The following RDX variants were observed in gnomAD, a reference collection of about 807,000 sequenced individuals.
RDX encodes deafness, autosomal recessive 24.
RDX carries 32 observed loss-of-function variants against 83.7 expected under a neutral mutation model. That is an observed-to-expected ratio of 0.38 (90% CI 0.29 to 0.51). The LOEUF is 0.51. Among genes scored for constraint, RDX ranks in the 20% least tolerant of loss-of-function variants. The pLI, the probability that RDX is intolerant of heterozygous loss-of-function variation, is 0.87. For synonymous variants in RDX, 229 were observed against 222.7 expected (o/e 1.03, Z -0.25); for missense variants, 600 against 689.9 (o/e 0.87, Z 1.46).
intron 14 of RDX, among the ~76,000 whole-genome samples, chr11:110,216,951 G>A (rs1022414401): frequency 3.3e-5 from 5 of 152,128 alleles, no homozygotes; most frequent in Admixed American, 3.3e-4. Context: ...GCAACACAGG[G>A]CCTACCTACC....
At chr11:110,226,351 T>C (rs1864435572), downstream of RDX, among the ~76,000 whole-genome samples, 1 of 152,120 alleles carries the variant, frequency 6.6e-6, no homozygotes, top group Non-Finnish European at 1.5e-5. Context: ...CTTGCAAACA[T>C]GCTAAGTGAA....
At chr11:110,263,709 TA>T (rs986024653) in intron 5 of RDX, among the ~76,000 whole-genome samples, 11 of 147,376 alleles carry the variant, frequency 7.5e-5, no homozygotes, top group South Asian at 2.2e-4. Flanking sequence ...AAAAATACAT[TA>T]AAAAAAAAAT....
chr11:110,285,389 G>C (rs1034405436), intron 1 of RDX, among the ~76,000 whole-genome samples: 1 of 151,522 alleles, frequency 6.6e-6, no homozygotes, highest in East Asian at 1.9e-4. Flanking sequence ...CATCTCAAAA[G>C]AAAATAAAAG....
At chr11:110,215,563 T>C (rs1398442968) in intron 14 of RDX, among the ~76,000 whole-genome samples, 1 of 152,138 alleles carries the variant, frequency 6.6e-6, no homozygotes, top group Non-Finnish European at 1.5e-5. Flanking sequence ...AGGAGGTTGG[T>C]CTTCAATCTG....
At chr11:110,175,875 A>G (rs1010110647) in intron 15 of RDX, among the ~76,000 whole-genome samples, 4 of 152,232 alleles carry the variant, frequency 2.6e-5, no homozygotes, top group Non-Finnish European at 4.4e-5. Flanking sequence ...ATTGTGCCAT[A>G]GTGAATGCAA....
chr11:110,220,399 C>T (rs1289143088), intron 14 of RDX, among the ~76,000 whole-genome samples: 1 of 152,176 alleles, frequency 6.6e-6, no homozygotes, highest in Admixed American at 6.5e-5. Context: ...GCTCAAATGG[C>T]CAAGTGGATT....
rs77223622 is a variant in RDX at position 110,233,064 on chromosome 11, G to A, written c.1587+173C>T. Among the ~76,000 whole-genome samples the A allele has an allele frequency of 0.016, 2,436 of 152,260 alleles. 56 individuals are homozygous for A. Among genetic ancestry groups the A allele is most frequent in the African/African-American group, 0.049 (2,036 of 41,544 alleles). On this transcript the variant is annotated intron_variant, in intron 13 of 13. Transcript: ENST00000645495. ...ACAAAGCTAACAGGTATTTGCTAAT[G>A]GGTTCACACAACGGAAGAAATGAAA... is the stretch of plus-strand genomic sequence containing the variant.
Position 110,231,095 on chromosome 11 carries a change from G to T in RDX, c.*774C>A, listed in dbSNP as rs1442687808. The T allele has an allele frequency of 6.6e-6, 1 of 152,320 alleles. No homozygotes were observed. Among genetic ancestry groups the T allele is most frequent in the Non-Finnish European group, 1.5e-5 (1 of 67,986 alleles). The allele number at this position is 152,320 out of a possible 1,614,324, so 9.4% of individuals were successfully genotyped here. On this transcript the variant is annotated 3_prime_UTR_variant, in exon 14 of 14. Coordinates refer to ENST00000645495, the MANE Select transcript of RDX (RefSeq NM_002906.4). ...CTGTTTCATCAGTAAACTCTCCTAGGGAGCTACTACTGCTGTCTAAACCTC... is the reference window on the plus strand; with the variant it reads ...CTGTTTCATCAGTAAACTCTCCTAGTGAGCTACTACTGCTGTCTAAACCTC...
intron 1 of RDX, among the ~76,000 whole-genome samples, chr11:110,285,476 G>A (rs928305560): frequency 6.6e-6 from 1 of 152,098 alleles, no homozygotes; most frequent in Non-Finnish European, 1.5e-5. Context: ...CACTTTGGGA[G>A]GCTGAGGCAG....
At chr11:110,209,722 G>A (rs1293547848) in intron 14 of RDX, among the ~76,000 whole-genome samples, 10 of 145,632 alleles carry the variant, frequency 6.9e-5, no homozygotes, top group African/African-American at 1.5e-4. Flanking sequence ...CCCCCAGCAG[G>A]GGCACACTGA....
chr11:110,259,931 C>T (rs748097198), intron 5 of RDX, among the ~76,000 whole-genome samples: 9 of 151,952 alleles, frequency 5.9e-5, no homozygotes, highest in African/African-American at 2.2e-4. Context: ...ACATCCACTG[C>T]CCCCAGTCTA....
At chr11:110,272,666 G>A (rs760379774) in intron 2 of RDX, 47 bp from the exon 3 acceptor site, 77 of 1,274,854 alleles carry the variant, frequency 6.0e-5, no homozygotes, top group Non-Finnish European at 7.9e-5. Flanking sequence ...AAGTTATTAG[G>A]CGTGAGAAAA....
In RDX at chr11:110,276,186, T is replaced by A. The variant is rs557761028; in HGVS notation, c.12+3495A>T. On this transcript the variant is annotated intron_variant, in intron 2 of 13. Coordinates refer to ENST00000645495, the MANE Select transcript of RDX (RefSeq NM_002906.4). The stretch of plus-strand genomic sequence containing the variant: ...TTCACAATTTTCAATGATTTTTGCT[T>A]ATGATGTTAGAGGTCCAATTTCATT... 2.6e-5 allele frequency among the ~76,000 whole-genome samples: 4 copies of A among 152,324 alleles called. No homozygotes were observed. In the South Asian group the frequency reaches 8.3e-4, roughly 32 times the overall value.
At chr11:110,215,126 C>T (rs1591517538) in intron 14 of RDX, among the ~76,000 whole-genome samples, 2 of 149,326 alleles carry the variant, frequency 1.3e-5, no homozygotes, top group African/African-American at 2.4e-5. Flanking sequence ...TTTGGAAGGC[C>T]GAGGTGGGCG....
chr11:110,272,451 A>C (rs1371727554), intron 3 of RDX, 85 bp downstream of exon 3: 5 of 916,692 alleles, frequency 5.5e-6, no homozygotes, highest in Non-Finnish European at 7.1e-6. Flanking sequence ...GATTATCAGC[A>C]AAAGTACAGA....
intron 1 of RDX, among the ~76,000 whole-genome samples, chr11:110,292,048 A>G (rs1861265217): frequency 6.6e-6 from 1 of 152,070 alleles, no homozygotes; most frequent in Non-Finnish European, 1.5e-5. Flanking sequence ...ATCCCAGCAC[A>G]CTGGGAGGCC....
intron 15 of RDX, among the ~76,000 whole-genome samples, chr11:110,193,535 C>T (rs909733063): frequency 1.7e-5 from 2 of 115,688 alleles, no homozygotes; most frequent in Non-Finnish European, 3.7e-5. Context: ...CTTGAAATTA[C>T]AAAACAAAAT....
intron 14 of RDX, among the ~76,000 whole-genome samples, chr11:110,211,022 A>C (rs893283302): frequency 5.3e-5 from 8 of 152,180 alleles, no homozygotes; most frequent in African/African-American, 9.7e-5. Context: ...GGACTAAATG[A>C]TCCAATTAAA....
intron 15 of RDX, among the ~76,000 whole-genome samples, chr11:110,177,521 A>G (rs1862799839): frequency 6.6e-6 from 1 of 152,166 alleles, no homozygotes; most frequent in African/African-American, 2.4e-5. Context: ...CCCAGAGGAC[A>G]TATGCAGCCC....
Sources: gnomAD v4.1 joint callset for allele counts (sites outside exome capture counted in the v4.1 genomes callset) on GRCh38, gnomAD v4.1.1 for gene constraint, MANE v1.5 for transcripts, NCBI Gene and HGNC (gene_info 2026-07-23, HGNC 2026-07-21) for gene names.